ABCB11: variants seen among roughly 807,000 people sequenced by gnomAD.
The protein encoded by ABCB11 is ATP binding cassette subfamily B member 11.
A neutral mutation model predicts 148.0 loss-of-function variants in ABCB11; 95 were observed. The ratio of observed to expected loss-of-function variants is 0.64; its 90% CI spans 0.54 to 0.76. The LOEUF is 0.76. ABCB11 is among the 30% of genes least tolerant of loss of function. ABCB11 has a pLI of 0.00. For missense variants in ABCB11, 1,523 were observed against 1,617.8 expected, an observed-to-expected ratio of 0.94 and a Z score of 1.01; for synonymous variants, 591 against 555.4, an observed-to-expected ratio of 1.06 and a Z score of -0.90.
intron 18 of ABCB11, 42 bp from the exon 19 acceptor site, chr2:168,958,170 C>T: frequency 6.4e-7 from 1 of 1,572,898 alleles, no homozygotes; most frequent in Non-Finnish European, 8.7e-7. Context: ...TAAATGTACT[C>T]AAGACATTTT....
intron 21 of ABCB11, 127 bp downstream of exon 21, chr2:168,944,478 T>G (rs1692209805): frequency 3.0e-6 from 3 of 1,010,238 alleles, no homozygotes; most frequent in Non-Finnish European, 4.3e-6. Context: ...GTGGAAAATG[T>G]GGCTTTAGGA....
chr2:169,026,851 A>C (rs1442669122), intron 1 of ABCB11, among the ~76,000 whole-genome samples: 1 of 152,134 alleles, frequency 6.6e-6, no homozygotes, highest in East Asian at 1.9e-4. Flanking sequence ...CCTCCTCCTC[A>C]TTTGGCACTT....
chr2:168,996,755 C>G (rs959390299), intron 5 of ABCB11, 33 bp from the exon 6 acceptor site: 1 of 1,371,566 alleles, frequency 7.3e-7, no homozygotes, highest in Non-Finnish European at 9.9e-7. Context: ...TTCAGACTTG[C>G]AAGTAGGATC....
At position 168,973,831 on chromosome 2, in the gene ABCB11, C is replaced by A; in HGVS notation, c.1318G>T (p.Asp440Tyr). Reference protein sequence around the residue: ...PSRPEVKILNDLNMVIKPGEM... With the variant: ...PSRPEVKILNYLNMVIKPGEM... ...CCTGGTTTAATGACCATGTTGAGGT[C>A]ATTTAGAATCTGGAGAAGAAAGAAA... The change falls in exon 13 of 28, where the codon GAC becomes TAC. Residue 440 changes from aspartate to tyrosine, a missense_variant. Coordinates refer to ENST00000650372, the MANE Select transcript of ABCB11 (RefSeq NM_003742.4). 1.2e-6 allele frequency: 2 copies of A among 1,611,022 alleles called. No individual in the cohort carries two copies. Among genetic ancestry groups the A allele is most frequent in the South Asian group, 1.1e-5 (1 of 90,926 alleles).
At chr2:168,915,719 C>G (rs1325816571) in intron 2 of ABCB11, among the ~76,000 whole-genome samples, 1 of 152,232 alleles carries the variant, frequency 6.6e-6, no homozygotes, top group Admixed American at 6.5e-5. Flanking sequence ...GGAAGAGACT[C>G]AGGTTTTCTT....
At chr2:168,927,620 C>T (rs572882488) in intron 25 of ABCB11, among the ~76,000 whole-genome samples, 35 of 152,204 alleles carry the variant, frequency 2.3e-4, no homozygotes, top group South Asian at 1.0e-3. Context: ...GTGGGGCAAA[C>T]GAGAAAGACG....
chr2:169,003,366 A>G (rs1490011075), intron 5 of ABCB11, among the ~76,000 whole-genome samples: 2 of 147,876 alleles, frequency 1.4e-5, no homozygotes, highest in East Asian at 2.0e-4. Context: ...ATATATATGC[A>G]CACACACAAA....
intron 1 of ABCB11, among the ~76,000 whole-genome samples, chr2:169,022,202 A>T (rs1573990142): frequency 6.6e-6 from 1 of 152,096 alleles, no homozygotes; most frequent in Middle Eastern, 3.7e-3. Context: ...TGAATGAATT[A>T]TGTTCTAATC....
chr2:169,015,178 C>A (rs1695315701), intron 3 of ABCB11, among the ~76,000 whole-genome samples: 1 of 152,120 alleles, frequency 6.6e-6, no homozygotes, highest in Admixed American at 6.5e-5. Context: ...GGCATTTGAA[C>A]CACACTCTCA....
At chr2:168,981,921 T>C (rs1411074684) in intron 10 of ABCB11, among the ~76,000 whole-genome samples, 1 of 152,172 alleles carries the variant, frequency 6.6e-6, no homozygotes, top group Non-Finnish European at 1.5e-5. Flanking sequence ...GACCATAGTT[T>C]GCTGACTCCT....
At chr2:169,018,308 G>GCCTAATTAT (rs1695427095) in intron 1 of ABCB11, among the ~76,000 whole-genome samples, 156 bp from the exon 2 acceptor site, 1 of 152,122 alleles carries the variant, frequency 6.6e-6, no homozygotes, top group Non-Finnish European at 1.5e-5. Flanking sequence ...CCCTGAAAGA[G>GCCTAATTAT]CCTAATTATC....
chr2:169,016,173 C>T (rs1695349970), intron 3 of ABCB11, among the ~76,000 whole-genome samples: 1 of 152,164 alleles, frequency 6.6e-6, no homozygotes, highest in African/African-American at 2.4e-5. Context: ...CCCAGGCTGA[C>T]CTGACCACTC....
intron 26 of ABCB11, among the ~76,000 whole-genome samples, chr2:168,925,145 G>C (rs1337211671): frequency 6.6e-6 from 1 of 152,080 alleles, no homozygotes; most frequent in African/African-American, 2.4e-5. Flanking sequence ...ATTCTTATCT[G>C]GAAAAATCCT....
Position 168,944,892 on chromosome 2 carries a change from T to C in ABCB11, c.2413A>G (p.Met805Val), listed in dbSNP as rs1692231118. 1 of 1,580,522 alleles carries C rather than the reference T, an allele frequency of 6.3e-7. No homozygotes were observed. Among genetic ancestry groups the C allele is most frequent in the Non-Finnish European group, 8.6e-7 (1 of 1,161,542 alleles). Residue 805 changes from methionine to valine, a missense_variant, in exon 20 of 28, where the codon ATG becomes GTG. By Grantham distance (21) the Met-to-Val change is conservative (BLOSUM62 1). Coordinates refer to ENST00000650372, the MANE Select transcript of ABCB11 (RefSeq NM_003742.4). Reference protein sequence around the residue: ...INGVCLLFVAMGCVSLFTQFL... With the variant: ...INGVCLLFVAVGCVSLFTQFL... ...TGGGTGAAAAGAGATACACAGCCCA[T>C]TGCTACAAAAAGTAGGCACACACCA... is the stretch of plus-strand genomic sequence containing the variant.
At chr2:169,006,689 C>T (rs1296977106) in intron 5 of ABCB11, among the ~76,000 whole-genome samples, 1 of 151,944 alleles carries the variant, frequency 6.6e-6, no homozygotes, top group Admixed American at 6.6e-5. Context: ...AACTATTGAA[C>T]TCATAAGTAG....
In ABCB11 at chr2:168,921,827, A is replaced by G. The variant is rs895459107; in HGVS notation, c.*1795T>C. Among the ~76,000 whole-genome samples, 6 of 149,746 alleles carry G rather than the reference A, an allele frequency of 4.0e-5. No individual in the cohort carries two copies. The highest frequency in any genetic ancestry group is 1.2e-4 in the African/African-American group (5 of 40,758). On this transcript the variant is annotated 3_prime_UTR_variant, in exon 28 of 28. Transcript: ENST00000650372. Reference sequence around the variant, plus strand: ...GCTGGAAAATTTTCTTAGGATTCCAAGGACGGAGTCCTTGACCTCTTTTCT... The same window carrying G: ...GCTGGAAAATTTTCTTAGGATTCCAGGGACGGAGTCCTTGACCTCTTTTCT...
rs755093559 is a variant in ABCB11 at position 168,936,372 on chromosome 2, A to C, written c.2672T>G (p.Ile891Ser). The C allele has an allele frequency of 6.2e-7, 1 of 1,613,950 alleles. No homozygotes were observed. Among genetic ancestry groups the C allele is most frequent in the Non-Finnish European group, 8.5e-7 (1 of 1,179,878 alleles). ...CTTCCAGCTAAAGGAGAAGGCAATGATCATGGCCACAGTGACGTTAGTGAA... is the reference window on the plus strand; with the variant it reads ...CTTCCAGCTAAAGGAGAAGGCAATGCTCATGGCCACAGTGACGTTAGTGAA... ...NSFTNVTVAMIIAFSFSWKLS... is the reference protein window; with the variant it reads ...NSFTNVTVAMSIAFSFSWKLS... Residue 891 changes from isoleucine to serine, a missense_variant, in exon 22 of 28, where the codon ATC becomes AGC. Physicochemically the swap from Ile to Ser is moderately radical, Grantham distance 142. Transcript: ENST00000650372.
intron 15 of ABCB11, 91 bp downstream of exon 15, chr2:168,969,954 C>CA: frequency 1.6e-5 from 12 of 755,880 alleles, no homozygotes; most frequent in East Asian, 3.8e-5. Context: ...CAACTACTCC[C>CA]ATCCCTCCCA....
At chr2:169,012,352 G>A (rs1239856383) in intron 5 of ABCB11, among the ~76,000 whole-genome samples, 4 of 152,132 alleles carry the variant, frequency 2.6e-5, no homozygotes, top group African/African-American at 9.7e-5. Context: ...GTACACGACA[G>A]ACTCACTGAT....
Sources: allele counts gnomAD v4.1 joint callset (sites outside exome capture counted in the v4.1 genomes callset), GRCh38; gene constraint gnomAD v4.1.1; transcripts MANE v1.5; gene names NCBI Gene and HGNC (gene_info 2026-07-23, HGNC 2026-07-21).